EPHA6: variants seen among roughly 807,000 people sequenced by gnomAD.
The protein encoded by EPHA6 is EPH receptor A6.
In EPHA6, 50 loss-of-function variants were observed where a neutral mutation model predicts 112.0. That is an observed-to-expected ratio of 0.45 (90% CI 0.36 to 0.56). The LOEUF (loss-of-function observed/expected upper bound fraction) is 0.56, where lower values mean the gene tolerates loss of function less well. EPHA6 is among the 20% of genes least tolerant of loss of function. The pLI is 0.00. For missense variants in EPHA6, 1,280 were observed against 1,417.4 expected, an observed-to-expected ratio of 0.90 and a Z score of 1.56; for synonymous variants, 529 against 490.7, an observed-to-expected ratio of 1.08 and a Z score of -1.03.
At chr3:96,987,148 G>A (rs2043052687) in intron 2 of EPHA6, among the ~76,000 whole-genome samples, 182 bp from the exon 3 acceptor site, 1 of 152,170 alleles carries the variant, frequency 6.6e-6, no homozygotes, top group African/African-American at 2.4e-5. Flanking sequence ...GCTGATTCTA[G>A]AACCTGTACT....
chr3:97,408,775 A>T (rs1048390814), intron 6 of EPHA6, among the ~76,000 whole-genome samples: 3 of 151,940 alleles, frequency 2.0e-5, no homozygotes, highest in Non-Finnish European at 4.4e-5. Context: ...TAATCACCTA[A>T]TCACCTCCCA....
chr3:97,306,401 G>C (rs2081322137), intron 5 of EPHA6, among the ~76,000 whole-genome samples: 2 of 149,048 alleles, frequency 1.3e-5, no homozygotes, highest in South Asian at 4.3e-4. Flanking sequence ...CACAATACAA[G>C]TACTAGGGCA....
At chr3:96,940,711 T>C (rs1465812734) in intron 2 of EPHA6, among the ~76,000 whole-genome samples, 5 of 152,218 alleles carry the variant, frequency 3.3e-5, no homozygotes, top group African/African-American at 1.2e-4. Context: ...CTTTACAATT[T>C]GGCATGTTTT....
intron 11 of EPHA6, among the ~76,000 whole-genome samples, chr3:97,588,293 C>G (rs2107325127): frequency 1.3e-5 from 2 of 152,242 alleles, no homozygotes; most frequent in East Asian, 3.9e-4. Context: ...AACACAGTAA[C>G]AAGTAATCTT....
intron 3 of EPHA6, among the ~76,000 whole-genome samples, chr3:96,995,410 T>C (rs1353978832): frequency 1.3e-5 from 2 of 152,150 alleles, no homozygotes; most frequent in African/African-American, 2.4e-5. Context: ...TAAACTCTTA[T>C]ATTATAACCT....
In EPHA6 at chr3:97,099,599, G is replaced by C. The variant is rs1391501533; in HGVS notation, c.1114+111606G>C. On this transcript the variant is annotated intron_variant, in intron 3 of 17. Transcript: ENST00000389672. ...ATTTCCCAGCATATCTTATCGCCGAGTGGGATCATGTGACCTGTTTCTGGA... is the reference window on the plus strand; with the variant it reads ...ATTTCCCAGCATATCTTATCGCCGACTGGGATCATGTGACCTGTTTCTGGA... Among the ~76,000 whole-genome samples, 8 of 151,834 alleles carry C rather than the reference G, an allele frequency of 5.3e-5. No homozygotes were observed. The Admixed American group carries it at 5.3e-4, about 10-fold the overall frequency.
At chr3:97,018,665 A>T (rs141291654) in intron 3 of EPHA6, among the ~76,000 whole-genome samples, 2,122 of 152,324 alleles carry the variant, frequency 0.014, 58 homozygotes, top group African/African-American at 0.048. Context: ...AGGATGGAAC[A>T]TGAAGGCGGA....
chr3:97,394,606 T>A (rs2086598588), intron 5 of EPHA6, among the ~76,000 whole-genome samples: 1 of 151,716 alleles, frequency 6.6e-6, no homozygotes, highest in Admixed American at 6.6e-5. Context: ...AGTTGTTAAA[T>A]GGGCAAAATA....
intron 10 of EPHA6, among the ~76,000 whole-genome samples, chr3:97,507,366 A>G (rs941291425): frequency 5.9e-5 from 9 of 152,198 alleles, no homozygotes; most frequent in Non-Finnish European, 1.3e-4. Context: ...CAGAGTTTTT[A>G]GCATGAAGGA....
At chr3:97,329,737 A>G (rs1025559365) in intron 5 of EPHA6, among the ~76,000 whole-genome samples, 11 of 152,022 alleles carry the variant, frequency 7.2e-5, no homozygotes, top group Non-Finnish European at 1.5e-4. Flanking sequence ...AGATGGGTAG[A>G]TTGCAAAAAT....
At chr3:97,151,913 C>T (rs1170391855) in intron 3 of EPHA6, among the ~76,000 whole-genome samples, 1 of 151,600 alleles carries the variant, frequency 6.6e-6, no homozygotes, top group Non-Finnish European at 1.5e-5. Context: ...TTTATATAAT[C>T]ATATTTAGCG....
chr3:97,625,121 G>A (rs72932235), intron 13 of EPHA6, among the ~76,000 whole-genome samples: 21,051 of 150,944 alleles, frequency 0.14, 1,719 homozygotes, highest in Admixed American at 0.24. Context: ...TGTTCCTTAC[G>A]TTGTTAAGGT....
At chr3:97,441,524 T>C in intron 6 of EPHA6, 1 of 724,644 alleles carries the variant, frequency 1.4e-6, no homozygotes, top group Non-Finnish European at 1.7e-6. Context: ...ATCTGTTTGA[T>C]TAAAGAAGAA....
intron 9 of EPHA6, among the ~76,000 whole-genome samples, 197 bp downstream of exon 9, chr3:97,479,561 G>T (rs540622954): frequency 1.3e-5 from 2 of 152,162 alleles, no homozygotes; most frequent in South Asian, 4.1e-4. Context: ...ACATTACCTT[G>T]TTCCCAATTC....
intron 6 of EPHA6, among the ~76,000 whole-genome samples, chr3:97,438,588 C>G (rs1423273758): frequency 6.6e-6 from 1 of 151,996 alleles, no homozygotes; most frequent in Non-Finnish European, 1.5e-5. Flanking sequence ...TCATGAGAGC[C>G]TACAATATGC....
At chr3:97,005,813 G>A (rs1264653380) in intron 3 of EPHA6, among the ~76,000 whole-genome samples, 1 of 152,156 alleles carries the variant, frequency 6.6e-6, no homozygotes, top group Non-Finnish European at 1.5e-5. Context: ...TTTATTAAGA[G>A]TTTTTAACAT....
At chr3:97,399,542 C>A (rs570322243) in intron 5 of EPHA6, among the ~76,000 whole-genome samples, 234 of 151,754 alleles carry the variant, frequency 1.5e-3, no homozygotes, top group Admixed American at 5.9e-3. Flanking sequence ...CACTAATTTA[C>A]ATTCCCACTG....
chr3:97,011,988 C>T (rs1274051521), intron 3 of EPHA6, among the ~76,000 whole-genome samples: 5 of 152,060 alleles, frequency 3.3e-5, no homozygotes, highest in African/African-American at 1.2e-4. Context: ...AACATTATTT[C>T]TTTCTCTTTT....
At chr3:97,540,074 A>G (rs934752149) in intron 11 of EPHA6, among the ~76,000 whole-genome samples, 5 of 152,198 alleles carry the variant, frequency 3.3e-5, no homozygotes, top group African/African-American at 1.2e-4. Flanking sequence ...CAGCAGCAAG[A>G]GAAGAAATGG....
Sources: gnomAD v4.1 joint callset for allele counts (sites outside exome capture counted in the v4.1 genomes callset) on GRCh38, gnomAD v4.1.1 for gene constraint, MANE v1.5 for transcripts, NCBI Gene and HGNC (gene_info 2026-07-23, HGNC 2026-07-21) for gene names.